The following JADE2 variants were observed in gnomAD, a reference collection of about 807,000 sequenced individuals.
JADE2 encodes the protein E3 ubiquitin-protein ligase Jade-2.
A neutral mutation model predicts 85.7 loss-of-function variants in JADE2; 13 were observed. That is an observed-to-expected ratio of 0.15 (90% CI 0.10 to 0.24). The LOEUF is 0.24. Among genes scored for constraint, JADE2 ranks in the 10% least tolerant of loss-of-function variants. JADE2 has a pLI of 1.00. For synonymous variants in JADE2, 440 were observed against 456.1 expected (o/e 0.96, Z 0.45); for missense variants, 846 against 1,115.9 (o/e 0.76, Z 3.45).
chr5:134,563,076 G>A (rs554566747), intron 7 of JADE2, among the ~76,000 whole-genome samples: 50 of 152,150 alleles, frequency 3.3e-4, no homozygotes, highest in African/African-American at 1.2e-3. Context: ...AGAATCGGGT[G>A]GGAGGCCGAG....
chr5:134,563,847 AT>A (rs1451655123), intron 7 of JADE2, among the ~76,000 whole-genome samples: 1 of 152,112 alleles, frequency 6.6e-6, no homozygotes, highest in African/African-American at 2.4e-5. Context: ...TTTGGAGAGA[AT>A]TGCTTTTTCC....
At chr5:134,567,034 C>G (rs543775291) in intron 9 of JADE2, among the ~76,000 whole-genome samples, 45 of 152,318 alleles carry the variant, frequency 3.0e-4, no homozygotes, top group African/African-American at 1.1e-3. Context: ...ATGCTGAAAG[C>G]CAGGGGCATC....
At chr5:134,534,743 A>T (rs1484602438) in intron 1 of JADE2, among the ~76,000 whole-genome samples, 1 of 152,018 alleles carries the variant, frequency 6.6e-6, no homozygotes, top group African/African-American at 2.4e-5. Context: ...TGCTGTGGGG[A>T]GTCAGTCAGG....
intron 10 of JADE2, chr5:134,574,045 G>A: frequency 2.0e-6 from 1 of 495,290 alleles, no homozygotes; most frequent in Non-Finnish European, 3.7e-6. Flanking sequence ...CAGTTCAGGA[G>A]CTGATTGCAT....
chr5:134,578,815 C>T lies in JADE2; in HGVS notation c.2003C>T (p.Ala668Val). The T allele has an allele frequency of 1.9e-6, 3 of 1,613,770 alleles. No individual in the cohort carries two copies. Among genetic ancestry groups the T allele is most frequent in the South Asian group, 1.1e-5 (1 of 91,082 alleles). Residue 668 changes from alanine (A) to valine (V), a missense_variant, in exon 12 of 12, where the codon GCC (alanine) becomes GTC (valine). By Grantham distance (64) the Ala-to-Val change is moderately conservative. Coordinates refer to ENST00000681547, the MANE Select transcript of JADE2 (RefSeq NM_001388185.1). This position sits in a 1 kb window ranked among gnomAD's most constrained non-coding sequence, Gnocchi z 4.4. ...GGTTCACGGACGACTCCAGACAAAG[C>T]CCCCAAGAAGACCTGGGGCCAGGAT... Reference protein sequence around the residue: ...GPGSRTTPDKAPKKTWGQDAG... With the variant: ...GPGSRTTPDKVPKKTWGQDAG...
intron 1 of JADE2, among the ~76,000 whole-genome samples, chr5:134,534,204 C>T (rs756862763): frequency 6.6e-6 from 1 of 152,188 alleles, no homozygotes; most frequent in African/African-American, 2.4e-5. Flanking sequence ...GCTTCAGTTT[C>T]CTCCTCTGCA....
At position 134,560,005 on chromosome 5, in the gene JADE2, C is replaced by A. The variant is rs1347757922; in HGVS notation, c.472+15C>A. 3 of 1,613,550 alleles carry A rather than the reference C, an allele frequency of 1.9e-6. No homozygotes were observed. The highest frequency in any genetic ancestry group is 1.7e-5 in the Admixed American group (1 of 59,940). On this transcript the variant is annotated intron_variant, in intron 5 of 11. Coordinates refer to ENST00000681547, the MANE Select transcript of JADE2 (RefSeq NM_001388185.1). ...TAAGGAGATGGGTAGGTGACCACTG[C>A]ATTAAGAATGGGATCACGGCTGGGC...
rs1362305762 is a variant in JADE2, at chr5:134,579,300, G to T, written c.2488G>T (p.Gly830Cys). ...AGGGGCAGAGGAGGTGGTCCGCATG[G>T]GCGTACTGGCCTCCTAACTCACCCC... Reference protein sequence around the residue: ...EAGAEEVVRMGVLAS With the variant: ...EAGAEEVVRMCVLAS The change falls in exon 12 of 12, where the codon GGC becomes TGC. Residue 830 changes from glycine (G) to cysteine (C), a missense_variant. Gly to Cys is a radical substitution (Grantham distance 159, BLOSUM62 -3). Coordinates refer to ENST00000681547, the MANE Select transcript of JADE2 (RefSeq NM_001388185.1). The surrounding 1 kb of genome is among the most constrained non-coding windows in gnomAD (Gnocchi z 4.6). 6.2e-7 allele frequency: 1 copy of T among 1,606,248 alleles called. No homozygotes were observed. Among genetic ancestry groups the T allele is most frequent in the Admixed American group, 1.7e-5 (1 of 59,550 alleles).
rs745861467 is a variant in JADE2, at chr5:134,578,892, C to T, written c.2080C>T (p.Arg694Trp). 6 of 1,613,742 alleles carry T rather than the reference C, an allele frequency of 3.7e-6. No homozygotes were observed. The highest frequency in any genetic ancestry group is 1.6e-4 in the Middle Eastern group (1 of 6,084). ...QGPPTRKPPRRTSSHLPSSPA... is the reference protein window; with the variant it reads ...QGPPTRKPPRWTSSHLPSSPA... The stretch of plus-strand genomic sequence containing the variant: ...GCCACCTACCAGGAAGCCACCACGT[C>T]GGACATCTTCTCACTTGCCGTCCAG... Residue 694 changes from arginine (R) to tryptophan (W), a missense_variant, in exon 12 of 12, where the codon CGG becomes TGG. By Grantham distance (101) the Arg-to-Trp change is moderately radical (BLOSUM62 -3). This residue lies in a region of JADE2 where 300 missense variants were observed against 300.7 expected (regional missense o/e 1.00). Coordinates refer to ENST00000681547, the MANE Select transcript of JADE2 (RefSeq NM_001388185.1). This position sits in a 1 kb window ranked among gnomAD's most constrained non-coding sequence, Gnocchi z 4.4.
intron 3 of JADE2, among the ~76,000 whole-genome samples, chr5:134,541,256 A>G (rs918181731): frequency 8.5e-5 from 13 of 152,234 alleles, no homozygotes; most frequent in Non-Finnish European, 1.3e-4. Context: ...CTAGTCCTCT[A>G]AGTGACAAGG....
chr5:134,554,891 A>G (rs1481874944), intron 4 of JADE2, among the ~76,000 whole-genome samples: 2 of 152,174 alleles, frequency 1.3e-5, no homozygotes, highest in Non-Finnish European at 2.9e-5. Flanking sequence ...GCCTGTGTTC[A>G]TCTTTTCATT....
chr5:134,570,761 G>T (rs2150006204), intron 9 of JADE2, among the ~76,000 whole-genome samples: 1 of 152,142 alleles, frequency 6.6e-6, no homozygotes, highest in South Asian at 2.1e-4. Context: ...CTGCTCCTTG[G>T]CCTCAATGGT....
At position 134,559,986 on chromosome 5, in the gene JADE2, G is replaced by A. The variant is rs1418852605; in HGVS notation, c.468G>A (p.Glu156=). The A allele has an allele frequency of 6.2e-7, 1 of 1,614,094 alleles. No individual in the cohort carries two copies. The highest frequency in any genetic ancestry group is 1.7e-5 in the Admixed American group (1 of 60,002). Residue 156 remains glutamate, a synonymous_variant, in exon 5 of 12, where the codon GAG becomes GAA. Coordinates refer to ENST00000681547, the MANE Select transcript of JADE2 (RefSeq NM_001388185.1). ...WLELINSELK[E]MERPELDELT... is the part of the protein sequence containing the mutation. ...AGCTCATCAACTCGGAGCTTAAGGA[G>A]ATGGGTAGGTGACCACTGCATTAAG...
At chr5:134,543,098 G>C (rs1317987492) in intron 3 of JADE2, among the ~76,000 whole-genome samples, 1 of 147,730 alleles carries the variant, frequency 6.8e-6, no homozygotes, top group African/African-American at 2.5e-5. Flanking sequence ...GGAGTGGTGT[G>C]ATCTCGGCTC....
intron 2 of JADE2, among the ~76,000 whole-genome samples, chr5:134,536,136 C>T (rs1224497193): frequency 6.6e-6 from 1 of 152,212 alleles, no homozygotes; most frequent in African/African-American, 2.4e-5. Context: ...CAGCTGTACT[C>T]CCCCTTATCC....
chr5:134,554,461 G>C (rs942080895), intron 4 of JADE2, among the ~76,000 whole-genome samples: 2 of 152,144 alleles, frequency 1.3e-5, no homozygotes, highest in Non-Finnish European at 2.9e-5. Context: ...CTTGATGTCA[G>C]TGTCATTTGG....
chr5:134,578,993 G>T lies in JADE2; in HGVS notation c.2181G>T (p.Glu727Asp), dbSNP rs767750203. Residue 727 changes from glutamate to aspartate, a missense_variant, in exon 12 of 12, where the codon GAG becomes GAT. Physicochemically the swap from Glu to Asp is conservative, Grantham distance 45. Transcript: ENST00000681547. The surrounding 1 kb of genome is among the most constrained non-coding windows in gnomAD (Gnocchi z 4.4). ...PPPLAPETPD[E>D]AASVAADSDV... The stretch of plus-strand genomic sequence containing the variant: ...CACTGGCCCCTGAGACCCCGGACGA[G>T]GCAGCCTCAGTAGCTGCTGACTCAG... 5.6e-6 allele frequency: 9 copies of T among 1,613,730 alleles called. No homozygotes were observed. The highest frequency in any genetic ancestry group is 2.7e-5 in the African/African-American group (2 of 74,944).
chr5:134,561,362 TC>T (rs1195863029), intron 6 of JADE2, among the ~76,000 whole-genome samples: 1 of 152,246 alleles, frequency 6.6e-6, no homozygotes, highest in African/African-American at 2.4e-5. Context: ...TTGTAACCTC[TC>T]TGGGCCTGTG....
intron 1 of JADE2, among the ~76,000 whole-genome samples, chr5:134,531,709 A>T (rs999011328): frequency 6.6e-6 from 1 of 151,452 alleles, no homozygotes; most frequent in Non-Finnish European, 1.5e-5. Context: ...CAGCCTCCAG[A>T]GTAGCTGAGA....
Sources: allele counts gnomAD v4.1 joint callset (sites outside exome capture counted in the v4.1 genomes callset), GRCh38; gene constraint gnomAD v4.1.1; regional missense constraint gnomAD v4.1.1; non-coding constraint Gnocchi (gnomAD v3.1); transcripts MANE v1.5; gene names NCBI Gene and HGNC (gene_info 2026-07-23, HGNC 2026-07-21).